Variants in NECTIN3 observed in about 807,000 individuals in gnomAD.
NECTIN3 encodes nectin-3.
NECTIN3 carries 8 observed loss-of-function variants against 49.4 expected under a neutral mutation model. The observed-to-expected ratio is 0.16, with a 90% CI of 0.10 to 0.29. The LOEUF (loss-of-function observed/expected upper bound fraction) is 0.29, where lower values mean the gene tolerates loss of function less well. Ranked by LOEUF, NECTIN3 falls within the 10% of genes least tolerant of loss-of-function variation. NECTIN3 has a pLI of 1.00. For missense variants in NECTIN3, 581 were observed against 654.6 expected (o/e 0.89, Z 1.23); for synonymous variants, 277 against 241.1 (o/e 1.15, Z -1.38).
At chr3:111,127,327 C>T (rs910999803) in intron 5 of NECTIN3, among the ~76,000 whole-genome samples, 1 of 152,150 alleles carries the variant, frequency 6.6e-6, no homozygotes, top group African/African-American at 2.4e-5. Flanking sequence ...TTAGAGCACT[C>T]ACCACAGTTT....
intron 1 of NECTIN3, among the ~76,000 whole-genome samples, chr3:111,104,359 C>G (rs1245710987): frequency 8.6e-6 from 1 of 115,966 alleles, no homozygotes; most frequent in Non-Finnish European, 1.6e-5. Flanking sequence ...CTTGATCTGT[C>G]TACAAGGCTG....
At chr3:111,186,256 C>T (rs1255469555) in intron 7 of NECTIN3, among the ~76,000 whole-genome samples, 1 of 151,962 alleles carries the variant, frequency 6.6e-6, no homozygotes, top group Non-Finnish European at 1.5e-5. Context: ...CCAAGGCAAT[C>T]ATAAACAAAA....
chr3:111,190,083 A>G (rs1043849733), upstream of NECTIN3, among the ~76,000 whole-genome samples: 1 of 152,234 alleles, frequency 6.6e-6, no homozygotes, highest in African/African-American at 2.4e-5. Flanking sequence ...GACCACTTAC[A>G]ACAGAAATTA....
At chr3:111,165,499 T>C (rs2035301807) in intron 7 of NECTIN3, among the ~76,000 whole-genome samples, 1 of 152,146 alleles carries the variant, frequency 6.6e-6, no homozygotes, top group Non-Finnish European at 1.5e-5. Flanking sequence ...AGAACCAGAA[T>C]ATGTATGAGT....
At chr3:111,169,890 A>T (rs2035401681) in intron 7 of NECTIN3, among the ~76,000 whole-genome samples, 1 of 152,236 alleles carries the variant, frequency 6.6e-6, no homozygotes, top group Non-Finnish European at 1.5e-5. Flanking sequence ...CTTTGTACCA[A>T]TGTACACTGC....
At chr3:111,094,807 A>G (rs2032490481) in intron 1 of NECTIN3, among the ~76,000 whole-genome samples, 1 of 152,204 alleles carries the variant, frequency 6.6e-6, no homozygotes, top group Admixed American at 6.5e-5. Flanking sequence ...TGCCTAGTGT[A>G]TACCCAAATT....
At chr3:111,089,334 A>G (rs2032115074) in intron 1 of NECTIN3, among the ~76,000 whole-genome samples, 1 of 150,902 alleles carries the variant, frequency 6.6e-6, no homozygotes, top group African/African-American at 2.4e-5. Flanking sequence ...TTTTATTTGG[A>G]GAGGGGCTTA....
intron 1 of NECTIN3, among the ~76,000 whole-genome samples, chr3:111,093,837 A>G (rs1273052585): frequency 2.6e-5 from 4 of 152,202 alleles, no homozygotes; most frequent in African/African-American, 9.7e-5. Context: ...AAAACATTTA[A>G]ATATTTAGAT....
chr3:111,160,030 C>A (rs1354566470), intron 7 of NECTIN3, among the ~76,000 whole-genome samples: 1 of 152,158 alleles, frequency 6.6e-6, no homozygotes, highest in Non-Finnish European at 1.5e-5. Flanking sequence ...TTAACCATTC[C>A]TTATATAATG....
chr3:111,102,534 C>T (rs959292941), intron 1 of NECTIN3, among the ~76,000 whole-genome samples: 12 of 152,258 alleles, frequency 7.9e-5, no homozygotes, highest in African/African-American at 2.7e-4. Context: ...CGCCTCCACT[C>T]AGGCAGCTGA....
rs1354885187 is a variant in NECTIN3, at chr3:111,136,517, G to A, written c.*2302G>A. On this transcript the variant is annotated 3_prime_UTR_variant, in exon 6 of 6. Transcript: ENST00000485303. The stretch of plus-strand genomic sequence containing the variant: ...AGTGCTTAAGACTTTGGGAAGCATT[G>A]CACTGTTGTTTATTAGAACTTTATG... The A allele has an allele frequency of 2.0e-6, 2 of 979,470 alleles. No homozygotes were observed. The highest frequency in any genetic ancestry group is 2.4e-6 in the Non-Finnish European group (2 of 824,912). The allele number at this position is 979,470 out of a possible 1,614,324, so 60.7% of individuals were successfully genotyped here. A position where few individuals can be genotyped will look rare whatever the true frequency, so the allele number is the denominator to read the frequency against.
At chr3:111,109,354 A>T (rs1187563117) in intron 1 of NECTIN3, among the ~76,000 whole-genome samples, 2 of 152,122 alleles carry the variant, frequency 1.3e-5, no homozygotes, top group African/African-American at 4.8e-5. Flanking sequence ...TTTGAAGGGG[A>T]TAAAATAAAA....
rs937434428 is a variant in NECTIN3, at chr3:111,137,024, G to A, written c.*2809G>A. 1.0e-6 allele frequency: 1 copy of A among 975,904 alleles called. No homozygotes were observed. Among genetic ancestry groups the A allele is most frequent in the Non-Finnish European group, 1.2e-6 (1 of 821,624 alleles). The allele number at this position is 975,904 out of a possible 1,614,324, so 60.5% of individuals were successfully genotyped here. Reference sequence around the variant, plus strand: ...TCAGTAGTAAGTGTTGCTTCTAATAGCCATATACAGGAAAGTTTTATAAGA... The same window carrying A: ...TCAGTAGTAAGTGTTGCTTCTAATAACCATATACAGGAAAGTTTTATAAGA... On this transcript the variant is annotated 3_prime_UTR_variant, in exon 6 of 6. Coordinates refer to ENST00000485303, the MANE Select transcript of NECTIN3 (RefSeq NM_015480.3).
rs150396532 is a variant in NECTIN3, at chr3:111,090,117, A to G, written c.160+17940A>G. On this transcript the variant is annotated intron_variant, in intron 1 of 5. Transcript: ENST00000485303. ...ATCTTTTTTGCAACCTTTACTCTCA[A>G]TCTTTCTGTGTCCTTAAATTTAAGA... Among the ~76,000 whole-genome samples the G allele has an allele frequency of 5.1e-4, 78 of 152,134 alleles. 1 individual carries two copies. The highest frequency in any genetic ancestry group is 1.6e-3 in the Admixed American group (25 of 15,286).
chr3:111,104,173 T>C (rs529005323), intron 1 of NECTIN3, among the ~76,000 whole-genome samples: 1 of 152,338 alleles, frequency 6.6e-6, no homozygotes, highest in South Asian at 2.1e-4. Flanking sequence ...TCAAAACTTG[T>C]TATTGTCAGC....
chr3:111,144,439 A>T (rs945507521), intron 5 of NECTIN3, among the ~76,000 whole-genome samples: 1 of 151,572 alleles, frequency 6.6e-6, no homozygotes, highest in African/African-American at 2.4e-5. Context: ...TTGATCTGGG[A>T]TATTTTCTGT....
At chr3:111,145,170 C>A in intron 6 of NECTIN3, 1 of 1,052,558 alleles carries the variant, frequency 9.5e-7, no homozygotes, top group Non-Finnish European at 1.3e-6. Flanking sequence ...GTTAGATGAC[C>A]GTGGTTTCAT....
intron 1 of NECTIN3, among the ~76,000 whole-genome samples, chr3:111,098,248 A>T (rs2032702705): frequency 6.6e-6 from 1 of 152,208 alleles, no homozygotes; most frequent in African/African-American, 2.4e-5. Context: ...TGTTCTGGGT[A>T]TCATGCCAAA....
Position 111,134,135 on chromosome 3 carries a change from G to T in NECTIN3, c.1570G>T (p.Glu524Ter). ...LKMGMKFVSD[E>*]HYDENEDDLV... ...AATGGGAATGAAGTTTGTCAGTGAT[G>T]AACATTATGATGAAAACGAAGATGA... The change falls in exon 6 of 6, where the codon GAA (glutamate) becomes TAA (stop). Residue 524 changes from glutamate to a stop codon, truncating the protein, a stop_gained. Transcript: ENST00000485303. LOFTEE classifies it high-confidence loss of function. The T allele has an allele frequency of 1.2e-6, 2 of 1,612,938 alleles. No homozygotes were observed. The highest frequency in any genetic ancestry group is 2.2e-5 in the South Asian group (2 of 90,848).
Sources: allele counts gnomAD v4.1 joint callset (sites outside exome capture counted in the v4.1 genomes callset), GRCh38; gene constraint gnomAD v4.1.1; transcripts MANE v1.5; gene names NCBI Gene and HGNC (gene_info 2026-07-23, HGNC 2026-07-21).